CECR2: variants seen among roughly 807,000 people sequenced by gnomAD.
The protein encoded by CECR2 is CECR2 histone acetyl-lysine reader.
In CECR2, 30 loss-of-function variants were observed where a neutral mutation model predicts 154.5. That is an observed-to-expected ratio of 0.19 (90% CI 0.15 to 0.26). The LOEUF (loss-of-function observed/expected upper bound fraction) is 0.26. CECR2 is among the 10% of genes least tolerant of loss of function. The pLI is 1.00. For missense variants in CECR2, 1,743 were observed against 1,829.3 expected (o/e 0.95, Z 0.86); for synonymous variants, 725 against 683.7 (o/e 1.06, Z -0.94).
intron 9 of CECR2, among the ~76,000 whole-genome samples, chr22:17,531,773 C>A (rs1193539987): frequency 1.3e-5 from 2 of 152,172 alleles, no homozygotes; most frequent in Non-Finnish European, 2.9e-5. Context: ...AATTATAGAA[C>A]ATTCTGTTCC....
intron 2 of CECR2, among the ~76,000 whole-genome samples, chr22:17,495,754 C>T (rs568079052): frequency 3.4e-5 from 5 of 147,130 alleles, no homozygotes; most frequent in East Asian, 2.0e-4. Flanking sequence ...CCCAGCTACT[C>T]GGGAGGCTGA....
intron 1 of CECR2, among the ~76,000 whole-genome samples, chr22:17,389,739 T>C (rs1360945433): frequency 6.6e-6 from 1 of 152,190 alleles, no homozygotes; most frequent in African/African-American, 2.4e-5. Flanking sequence ...GCAGTTCTCC[T>C]GCCTCAGCCT....
chr22:17,384,852 TA>T (rs1262372214), intron 1 of CECR2, among the ~76,000 whole-genome samples: 3 of 152,220 alleles, frequency 2.0e-5, no homozygotes, highest in Admixed American at 6.5e-5. Flanking sequence ...TTTCTTTCAA[TA>T]AAAGGCTGTT....
chr22:17,371,026 A>G (rs1472839456), intron 1 of CECR2, among the ~76,000 whole-genome samples: 1 of 151,914 alleles, frequency 6.6e-6, no homozygotes, highest in Non-Finnish European at 1.5e-5. Flanking sequence ...GGAAGAGCAA[A>G]TCGTTGTTGT....
intron 1 of CECR2, among the ~76,000 whole-genome samples, chr22:17,388,790 T>G (rs1330877554): frequency 6.6e-6 from 1 of 152,122 alleles, no homozygotes; most frequent in African/African-American, 2.4e-5. Context: ...CTGGGTTGGG[T>G]TTTTTAAAAA....
In CECR2 at chr22:17,395,601, C is replaced by T. The variant is rs115458379; in HGVS notation, c.126+25692C>T. Among the ~76,000 whole-genome samples, 915 of 152,288 alleles carry T rather than the reference C, an allele frequency of 6.0e-3. 10 individuals are homozygous for T. The highest frequency in any genetic ancestry group is 0.019 in the African/African-American group (807 of 41,572). ...CTCAAGTGATATGCCCGCCTCAGCC[C>T]TCCCAAAGTGCTGGGATTACAGGGG... On this transcript the variant is annotated intron_variant, in intron 1 of 18. Transcript: ENST00000262608.
At chr22:17,539,174 C>T in intron 13 of CECR2, 55 bp downstream of exon 13, 2 of 1,588,352 alleles carry the variant, frequency 1.3e-6, no homozygotes, top group East Asian at 4.5e-5. Flanking sequence ...GAATAAAATG[C>T]CTTCTCTTTT....
At chr22:17,455,027 A>C (rs1353961483) in intron 1 of CECR2, among the ~76,000 whole-genome samples, 1 of 152,208 alleles carries the variant, frequency 6.6e-6, no homozygotes, top group African/African-American at 2.4e-5. Flanking sequence ...AGGACCTCAC[A>C]TTCTGTATTT....
At chr22:17,428,798 T>TTTTGTGTGTGTGTGTGTGTGTG (rs367634017) in intron 1 of CECR2, among the ~76,000 whole-genome samples, 14 of 136,424 alleles carry the variant, frequency 1.0e-4, no homozygotes, top group Middle Eastern at 3.6e-3. Flanking sequence ...ATGTTTTTAT[T>TTTTGTGTGTGTGTGTGTGTGTG]TGTGTGTGTG....
At chr22:17,540,366 T>C in intron 13 of CECR2, 46 bp from the exon 14 acceptor site, 1 of 1,447,190 alleles carries the variant, frequency 6.9e-7, no homozygotes, top group African/African-American at 1.4e-5. Context: ...CTATAAACAA[T>C]TTCTGTAAAC....
At chr22:17,523,443 C>T (rs1468932581) in intron 8 of CECR2, among the ~76,000 whole-genome samples, 1 of 151,284 alleles carries the variant, frequency 6.6e-6, no homozygotes, top group Non-Finnish European at 1.5e-5. Flanking sequence ...CTTTTTAAAA[C>T]TTCCTAGCGC....
At position 17,548,178 on chromosome 22, in the gene CECR2, C is replaced by G. The variant is rs923181398; in HGVS notation, c.2891C>G (p.Pro964Arg). Residue 964 changes from proline (P) to arginine (R), a missense_variant, in exon 17 of 19, where the codon CCA (proline) becomes CGA (arginine). By Grantham distance (103) the Pro-to-Arg change is moderately radical. Transcript: ENST00000262608. ...CCGTTGCCTGGCCTTGAAGAGAAAC[C>G]ACCAGGTGTTGGTACTTCAGAGGGG... ...AEPLPGLEEK[P>R]PGVGTSEGVY... The G allele has an allele frequency of 1.9e-6, 3 of 1,569,938 alleles. No homozygotes were observed. The African/African-American group carries it at 4.1e-5, about 21-fold the overall frequency.
At chr22:17,550,196 GGA>G (rs1185181300) in intron 17 of CECR2, 1 of 152,670 alleles carries the variant, frequency 6.6e-6, no homozygotes, top group Non-Finnish European at 1.5e-5. Flanking sequence ...GGCCCAGGGT[GGA>G]GTGCAGTGGT....
chr22:17,432,067 G>T (rs1032310686), intron 1 of CECR2, among the ~76,000 whole-genome samples: 16 of 140,136 alleles, frequency 1.1e-4, no homozygotes, highest in African/African-American at 4.0e-4. Flanking sequence ...TGCCCACTCT[G>T]GACATTTCCT....
chr22:17,426,494 C>A (rs1481327266), intron 1 of CECR2, among the ~76,000 whole-genome samples: 2 of 152,160 alleles, frequency 1.3e-5, no homozygotes, highest in African/African-American at 4.8e-5. Flanking sequence ...GTAGCTGCGA[C>A]TGCAGGCATG....
chr22:17,398,901 G>C (rs1002227158), intron 1 of CECR2, among the ~76,000 whole-genome samples: 1 of 152,200 alleles, frequency 6.6e-6, no homozygotes. Context: ...GGAGTCATAA[G>C]TAGTAAAGTA....
chr22:17,518,592 G>A (rs185913372), intron 8 of CECR2: 80 of 347,452 alleles, frequency 2.3e-4, no homozygotes, highest in Non-Finnish European at 3.6e-4. Context: ...CAGCTGTCAC[G>A]TCTATCTTTA....
At chr22:17,374,730 C>T (rs190866929) in intron 1 of CECR2, among the ~76,000 whole-genome samples, 333 of 152,314 alleles carry the variant, frequency 2.2e-3, no homozygotes, top group South Asian at 0.018. Flanking sequence ...TGATAAATGA[C>T]ACTGCGTAGT....
At chr22:17,444,689 A>G (rs1317168760) in intron 1 of CECR2, among the ~76,000 whole-genome samples, 1 of 152,194 alleles carries the variant, frequency 6.6e-6, no homozygotes, top group East Asian at 1.9e-4. Flanking sequence ...AGAAATTGCA[A>G]TAGCGTCCTT....
Sources: gnomAD v4.1 joint callset for allele counts (sites outside exome capture counted in the v4.1 genomes callset) on GRCh38, gnomAD v4.1.1 for gene constraint, MANE v1.5 for transcripts, NCBI Gene and HGNC (gene_info 2026-07-23, HGNC 2026-07-21) for gene names.